Variants in TTN observed in about 807,000 individuals in gnomAD.
TTN encodes the protein connectin.
A neutral mutation model predicts 3,223.0 loss-of-function variants in TTN; 1,525 were observed. That is an observed-to-expected ratio of 0.47 (90% CI 0.45 to 0.49). TTN has a LOEUF of 0.49. Ranked by LOEUF, TTN falls within the 20% of genes least tolerant of loss-of-function variation. TTN has a pLI of 0.00. For synonymous variants in TTN, 14,094 were observed against 15,161.0 expected (o/e 0.93, Z 5.17); for missense variants, 40,786 against 43,424.0 (o/e 0.94, Z 5.40).
At chr2:178,755,468 T>A (rs2086662454) in intron 46 of TTN, among the ~76,000 whole-genome samples, 1 of 152,104 alleles carries the variant, frequency 6.6e-6, no homozygotes, top group Non-Finnish European at 1.5e-5. Flanking sequence ...TGGAGTCTAG[T>A]TCTGTTGCCC....
intron 135 of TTN, 42 bp from the exon 136 acceptor site, chr2:178,681,780 T>A: frequency 6.7e-7 from 1 of 1,484,976 alleles, no homozygotes; most frequent in African/African-American, 1.4e-5. Flanking sequence ...AGACTTAGAA[T>A]ATAAGTTTAA....
Position 178,558,647 on chromosome 2 carries a change from C to G in TTN, c.86822-10G>C. 1 of 1,607,346 alleles carries G rather than the reference C, an allele frequency of 6.2e-7. No homozygotes were observed. Among genetic ancestry groups the G allele is most frequent in the East Asian group, 2.2e-5 (1 of 44,662 alleles). On this transcript the variant is annotated splice_polypyrimidine_tract_variant and intron_variant, in intron 326 of 362. Coordinates refer to ENST00000589042, the MANE Select transcript of TTN (RefSeq NM_001267550.2). ...GGTGGGCTTGGTTTTTCTAAGAAAA[C>G]AAAGCATCAAAAGAAAGTGAATAAT...
rs1175537809 is a variant in TTN at position 178,730,623 on chromosome 2, A to G, written c.17910T>C (p.His5970=). The change falls in exon 61 of 363, where the codon CAT becomes CAC. Residue 5970 remains histidine (H), a synonymous_variant. Transcript: ENST00000589042. ...SASEKYKFSF[H]DNTAFLEISQ... ...TGATTTCCAAGAAGGCAGTATTGTC[A>G]TGAAAAGAGAATTTGTACTTTTCAC... The G allele has an allele frequency of 1.9e-6, 3 of 1,613,642 alleles. No homozygotes were observed. In the Admixed American group the frequency reaches 5.0e-5, roughly 27 times the overall value.
At position 178,635,424 on chromosome 2, in the gene TTN, A is replaced by G; in HGVS notation, c.41884+16T>C. 2 of 1,602,794 alleles carry G rather than the reference A, an allele frequency of 1.2e-6. No individual in the cohort carries two copies. Among genetic ancestry groups the G allele is most frequent in the Middle Eastern group, 3.3e-4 (2 of 6,044 alleles). On this transcript the variant is annotated intron_variant, in intron 227 of 362. Coordinates refer to ENST00000589042, the MANE Select transcript of TTN (RefSeq NM_001267550.2). ...ACGCAAAACTTATAATTTGAATAAAAGGTAAGATTTTATACCTCCAAGTGT... is the reference window on the plus strand; with the variant it reads ...ACGCAAAACTTATAATTTGAATAAAGGGTAAGATTTTATACCTCCAAGTGT...
At position 178,684,656 on chromosome 2, in the gene TTN, G is replaced by T. The variant is rs1179818258; in HGVS notation, c.32638+10C>A. Reference sequence around the variant, plus strand: ...TGTTCCTAGTTTTTCTGCTGGGGAGGTTTGTTTACCTTTGGCTGGGAGAGG... The same window carrying T: ...TGTTCCTAGTTTTTCTGCTGGGGAGTTTTGTTTACCTTTGGCTGGGAGAGG... On this transcript the variant is annotated intron_variant, in intron 131 of 362. Coordinates refer to ENST00000589042, the MANE Select transcript of TTN (RefSeq NM_001267550.2). 8 of 1,602,836 alleles carry T rather than the reference G, an allele frequency of 5.0e-6. No individual in the cohort carries two copies. The highest frequency in any genetic ancestry group is 1.7e-5 in the Admixed American group (1 of 57,362).
chr2:178,636,308 A>G lies in TTN; in HGVS notation c.41330-67T>C. 3 of 1,488,968 alleles carry G rather than the reference A, an allele frequency of 2.0e-6. No individual in the cohort carries two copies. The highest frequency in any genetic ancestry group is 1.8e-6 in the Non-Finnish European group (2 of 1,119,804). 92.2% of individuals were successfully genotyped at this position (1,488,968 alleles called of 1,614,324 possible). A position where few individuals can be genotyped will look rare whatever the true frequency, so the allele number is the denominator to read the frequency against. ...TTCAATGAAATAAAACTTGGAAATA[A>G]GAGGTTTTGTAAAACTACAATGCAA... On this transcript the variant is annotated intron_variant, in intron 225 of 362. Transcript: ENST00000589042. The surrounding 1 kb of genome is among the most constrained non-coding windows in gnomAD (Gnocchi z 4.3).
chr2:178,719,402 G>A lies in TTN; in HGVS notation c.23988C>T (p.Ala7996=), dbSNP rs1553905127. ...SFIRKLKDVN[A]ILGASVVLEC... ...CCAAAACAACTGAGGCCCCCAGGAT[G>A]GCATTCACGTCTTTCAGCTTGCGGA... Residue 7996 remains alanine, a synonymous_variant, in exon 83 of 363, where the codon GCC becomes GCT. Coordinates refer to ENST00000589042, the MANE Select transcript of TTN (RefSeq NM_001267550.2). The A allele has an allele frequency of 6.2e-7, 1 of 1,613,544 alleles. No homozygotes were observed. The highest frequency in any genetic ancestry group is 8.5e-7 in the Non-Finnish European group (1 of 1,179,580).
Position 178,777,463 on chromosome 2 carries a change from G to C in TTN, c.4602C>G (p.Asn1534Lys). The change falls in exon 26 of 363, where the codon AAC becomes AAG. Residue 1534 changes from asparagine to lysine, a missense_variant. Transcript: ENST00000589042. ...CTGAAATTGAAGATCTGCCTGCCCT[G>C]TTTTGGGCAACCACAGTCCATTCCC... The part of the protein sequence containing the change: ...DSGEWTVVAQ[N>K]RAGRSSISVI... 3.1e-6 allele frequency: 5 copies of C among 1,613,876 alleles called. No homozygotes were observed. Among genetic ancestry groups the C allele is most frequent in the Non-Finnish European group, 4.2e-6 (5 of 1,179,916 alleles).
Position 178,544,393 on chromosome 2 carries a change from G to C in TTN, c.95836C>G (p.Leu31946Val), listed in dbSNP as rs1405729797. Residue 31946 changes from leucine to valine, a missense_variant, in exon 345 of 363, where the codon CTG becomes GTG. By Grantham distance (32) the Leu-to-Val change is conservative. Transcript: ENST00000589042. ...TCAGTGTCCTTCTCTTGCATTTCCA[G>C]AACATATCCTACAATGTCAGTACCA... ...DGGTDIVGYV[L>V]EMQEKDTDQW... is the part of the protein sequence containing the mutation. The C allele has an allele frequency of 6.2e-7, 1 of 1,613,610 alleles. No individual in the cohort carries two copies. The highest frequency in any genetic ancestry group is 8.5e-7 in the Non-Finnish European group (1 of 1,179,736).
chr2:178,583,467 A>G, intron 312 of TTN, 140 bp downstream of exon 312: 1 of 983,454 alleles, frequency 1.0e-6, no homozygotes, highest in Non-Finnish European at 1.4e-6. Flanking sequence ...ATTCTCCATA[A>G]TCATAATGTT....
Position 178,785,949 on chromosome 2 carries a change from G to C in TTN, c.2269C>G (p.Pro757Ala), listed in dbSNP as rs775955606. 1 of 1,613,990 alleles carries C rather than the reference G, an allele frequency of 6.2e-7. No individual in the cohort carries two copies. The highest frequency in any genetic ancestry group is 2.2e-5 in the East Asian group (1 of 44,884). The change falls in exon 14 of 363, where the codon CCC (proline) becomes GCC (alanine). Residue 757 changes from proline (P) to alanine (A), a missense_variant. By Grantham distance (27) the Pro-to-Ala change is conservative. Transcript: ENST00000589042. Reference protein sequence around the residue: ...AEPPQRPASEPHVVPKAVKPR... With the variant: ...AEPPQRPASEAHVVPKAVKPR... ...TTGACTGCTTTAGGGACAACGTGGG[G>C]TTCTGAGGCTGGACGTTGGGGAGGC...
intron 223 of TTN, 73 bp from the exon 224 acceptor site, chr2:178,637,492 G>A: frequency 2.3e-6 from 2 of 859,224 alleles, no homozygotes; most frequent in African/African-American, 1.8e-5. Flanking sequence ...AACCATGGAG[G>A]GTGAGTCATG....
At chr2:178,696,350 C>T in intron 113 of TTN, 81 bp from the exon 114 acceptor site, 1 of 1,148,328 alleles carries the variant, frequency 8.7e-7, no homozygotes, top group Non-Finnish European at 1.2e-6. Context: ...CCTAGTTAAA[C>T]AACATCAGTA....
Position 178,592,801 on chromosome 2 carries a change from T to G in TTN, c.59318A>C (p.Glu19773Ala). The G allele has an allele frequency of 6.2e-7, 1 of 1,613,456 alleles. No individual in the cohort carries two copies. The highest frequency in any genetic ancestry group is 8.5e-7 in the Non-Finnish European group (1 of 1,179,604). The stretch of plus-strand genomic sequence containing the variant: ...AAGCCTGTCTTTTACTAGGACTGGC[T>G]CCGGAACATGAGCTGGATCTGATTC... ...AGESDPAHVP[E>A]PVLVKDRLEP... is the part of the protein sequence containing the mutation. Residue 19773 changes from glutamate (E) to alanine (A), a missense_variant, in exon 300 of 363, where the codon GAG becomes GCG. Transcript: ENST00000589042.
chr2:178,770,306 T>G lies in TTN; in HGVS notation c.8395A>C (p.Lys2799Gln). 6.2e-7 allele frequency: 1 copy of G among 1,614,192 alleles called. No individual in the cohort carries two copies. The highest frequency in any genetic ancestry group is 2.2e-5 in the East Asian group (1 of 44,872). ...AAGGCTGTCACATCCTTTGGCTTTTTAATGATCTTGACAGCTAAGAGGAAA... is the reference window on the plus strand; with the variant it reads ...AAGGCTGTCACATCCTTTGGCTTTTGAATGATCTTGACAGCTAAGAGGAAA... The part of the protein sequence containing the change: ...RLHVETVKII[K>Q]KPKDVTALEN... The change falls in exon 36 of 363, where the codon AAA (lysine) becomes CAA (glutamine). Residue 2799 changes from lysine to glutamine, a missense_variant. Coordinates refer to ENST00000589042, the MANE Select transcript of TTN (RefSeq NM_001267550.2).
chr2:178,751,895 A>C (rs369456547), intron 47 of TTN: 6 of 1,603,540 alleles, frequency 3.7e-6, no homozygotes, highest in Non-Finnish European at 5.1e-6. Context: ...AGAAGGCTTA[A>C]AATATTCAGG....
At chr2:178,676,630 T>C (rs949873027) in intron 147 of TTN, among the ~76,000 whole-genome samples, 2 of 151,618 alleles carry the variant, frequency 1.3e-5, no homozygotes, top group Non-Finnish European at 2.9e-5. Flanking sequence ...ATCCCCAATT[T>C]ACAGGAAAAT....
rs779112015 is a variant in TTN, at chr2:178,588,661, G to A, written c.63064C>T (p.Arg21022Cys). ...PVNKSAIPER[R>C]MKVQNLLPDH... is the part of the protein sequence containing the mutation. ...GGGAGGAGATTCTGTACTTTCATACGTCTCTCAGGGATTGCACTCTTGTTG... is the reference window on the plus strand; with the variant it reads ...GGGAGGAGATTCTGTACTTTCATACATCTCTCAGGGATTGCACTCTTGTTG... The change falls in exon 304 of 363, where the codon CGT (arginine) becomes TGT (cysteine). Residue 21022 changes from arginine to cysteine, a missense_variant. Arg to Cys is a radical substitution (Grantham distance 180, BLOSUM62 -3). Coordinates refer to ENST00000589042, the MANE Select transcript of TTN (RefSeq NM_001267550.2). 2.0e-5 allele frequency: 32 copies of A among 1,611,616 alleles called. No individual in the cohort carries two copies. In the South Asian group the frequency reaches 2.0e-4, roughly 10 times the overall value.
intron 7 of TTN, 90 bp downstream of exon 7, chr2:178,794,832 C>T: frequency 6.5e-7 from 1 of 1,533,316 alleles, no homozygotes; most frequent in Non-Finnish European, 8.9e-7. Context: ...CATTTTTCCT[C>T]CAATTTATAC....
Sources: gnomAD v4.1 joint callset for allele counts (sites outside exome capture counted in the v4.1 genomes callset) on GRCh38, gnomAD v4.1.1 for gene constraint, Gnocchi (gnomAD v3.1) non-coding constraint, MANE v1.5 for transcripts, NCBI Gene and HGNC (gene_info 2026-07-23, HGNC 2026-07-21) for gene names.